ATP13A5: variants seen among roughly 807,000 people sequenced by gnomAD.
ATP13A5 encodes the protein probable cation-transporting ATPase 13A5.
ATP13A5 carries 149 observed loss-of-function variants against 150.2 expected under a neutral mutation model. The ratio of observed to expected loss-of-function variants is 0.99; its 90% confidence interval spans 0.87 to 1.14. The LOEUF is 1.14. ATP13A5 is among the 50% of genes most tolerant of loss of function. The pLI, the probability that ATP13A5 is intolerant of heterozygous loss-of-function variation, is 0.00. For missense variants in ATP13A5, 1,383 were observed against 1,449.3 expected (o/e 0.95, Z 0.74); for synonymous variants, 497 against 522.2 (o/e 0.95, Z 0.66).
chr3:193,328,402 A>C (rs1408790703), intron 12 of ATP13A5, among the ~76,000 whole-genome samples: 3 of 152,170 alleles, frequency 2.0e-5, no homozygotes, highest in Non-Finnish European at 4.4e-5. Context: ...TTTATAAAGG[A>C]CTCCACCATG....
At chr3:193,282,389 T>C (rs541038171) in intron 27 of ATP13A5, among the ~76,000 whole-genome samples, 1 of 152,268 alleles carries the variant, frequency 6.6e-6, no homozygotes, top group Admixed American at 6.5e-5. Flanking sequence ...TTCTTTTTTT[T>C]TTTGAGACGG....
intron 10 of ATP13A5, among the ~76,000 whole-genome samples, chr3:193,334,242 G>T (rs910162594): frequency 1.3e-5 from 2 of 152,166 alleles, no homozygotes; most frequent in African/African-American, 4.8e-5. Flanking sequence ...TTGCATCTGT[G>T]AATAAGTCGG....
chr3:193,356,765 C>CT (rs1351446920), intron 5 of ATP13A5, among the ~76,000 whole-genome samples: 1 of 152,180 alleles, frequency 6.6e-6, no homozygotes, highest in Non-Finnish European at 1.5e-5. Context: ...ACTTAAATGT[C>CT]TTTTCCCTCT....
At chr3:193,287,658 A>C (rs1369076941) in intron 26 of ATP13A5, among the ~76,000 whole-genome samples, 1 of 152,156 alleles carries the variant, frequency 6.6e-6, no homozygotes, top group Admixed American at 6.6e-5. Context: ...CTTCAAGAGC[A>C]CTGATGGAGA....
chr3:193,318,736 G>C (rs1314268454), intron 17 of ATP13A5, among the ~76,000 whole-genome samples: 1 of 152,152 alleles, frequency 6.6e-6, no homozygotes, highest in Non-Finnish European at 1.5e-5. Flanking sequence ...GCCAAGCAGA[G>C]ATAACACACT....
At chr3:193,375,133 T>C (rs1602189) in intron 1 of ATP13A5, among the ~76,000 whole-genome samples, 146,391 of 152,326 alleles carry the variant, frequency 0.96, 70,373 homozygotes, top group African/African-American at 0.98. Flanking sequence ...CTGTTACCTG[T>C]GTACCCGTTT....
At chr3:193,308,418 C>T (rs960620642) in intron 21 of ATP13A5, among the ~76,000 whole-genome samples, 19 of 152,038 alleles carry the variant, frequency 1.2e-4, no homozygotes, top group East Asian at 5.8e-4. Flanking sequence ...GATATTGCAC[C>T]GCTGCACTCC....
chr3:193,302,426 T>C (rs1270238471), intron 23 of ATP13A5, among the ~76,000 whole-genome samples: 3 of 150,878 alleles, frequency 2.0e-5, no homozygotes, highest in African/African-American at 7.3e-5. Flanking sequence ...GATATAAACA[T>C]TGCGATTTCA....
chr3:193,309,824 T>C (rs1373290636), intron 21 of ATP13A5, among the ~76,000 whole-genome samples: 1 of 152,134 alleles, frequency 6.6e-6, no homozygotes, highest in Non-Finnish European at 1.5e-5. Context: ...GTGAGAGATT[T>C]TTTTCCCCAC....
chr3:193,360,828 C>T (rs937447113), intron 5 of ATP13A5, among the ~76,000 whole-genome samples: 2 of 152,146 alleles, frequency 1.3e-5, no homozygotes, highest in African/African-American at 4.8e-5. Flanking sequence ...AGGTACAGGC[C>T]ACCACGCCTG....
Position 193,321,757 on chromosome 3 carries a change from T to A in ATP13A5, c.1839A>T (p.Leu613=), listed in dbSNP as rs1253099295. The change falls in exon 16 of 30, where the codon CTA becomes CTT. Residue 613 remains leucine (L), a synonymous_variant. Transcript: ENST00000342358. ...SLQRMSVIAQ[L]AGENHFHVYM... is the part of the protein sequence containing the mutation. ...AGACATGGAAATGATTCTCCCCAGCTAGCTGAGCGATCACGGACATCCTCT... is the reference window on the plus strand; with the variant it reads ...AGACATGGAAATGATTCTCCCCAGCAAGCTGAGCGATCACGGACATCCTCT... 6.2e-6 allele frequency: 10 copies of A among 1,614,214 alleles called. No individual in the cohort carries two copies. The South Asian group carries it at 1.1e-4, about 18-fold the overall frequency.
At chr3:193,295,323 T>A (rs556212474) in intron 25 of ATP13A5, among the ~76,000 whole-genome samples, 22 of 152,196 alleles carry the variant, frequency 1.4e-4, no homozygotes, top group African/African-American at 5.1e-4. Context: ...TATTTGAAAC[T>A]TATCCAACTT....
chr3:193,285,062 T>C lies in ATP13A5; in HGVS notation c.3078A>G (p.Arg1026=). Residue 1026 remains arginine, a synonymous_variant, in exon 27 of 30, where the codon AGA becomes AGG. Coordinates refer to ENST00000342358, the MANE Select transcript of ATP13A5 (RefSeq NM_198505.4). ...TCAGAGTTGCATTTCCAGTCCAGTT[T>C]CTTTCCAAACTCACATTTGTTGAAA... The part of the protein sequence containing the change: ...SNFSTNVSLE[R]NWTGNATLIP... 6.2e-7 allele frequency: 1 copy of C among 1,614,060 alleles called. No individual in the cohort carries two copies. The highest frequency in any genetic ancestry group is 8.5e-7 in the Non-Finnish European group (1 of 1,179,962).
chr3:193,377,937 G>C (rs191592583), intron 1 of ATP13A5, among the ~76,000 whole-genome samples: 3 of 152,206 alleles, frequency 2.0e-5, no homozygotes, highest in Admixed American at 6.5e-5. Flanking sequence ...TAACCTCCCT[G>C]GTCTCAGATT....
At chr3:193,354,755 C>T (rs542793430) in intron 5 of ATP13A5, among the ~76,000 whole-genome samples, 2 of 152,116 alleles carry the variant, frequency 1.3e-5, no homozygotes, top group Non-Finnish European at 2.9e-5. Context: ...TACATATGTG[C>T]ATTACAACAA....
At chr3:193,287,235 T>A (rs531254122) in intron 26 of ATP13A5, among the ~76,000 whole-genome samples, 8 of 152,192 alleles carry the variant, frequency 5.3e-5, no homozygotes, top group African/African-American at 1.9e-4. Flanking sequence ...CCAGAAGATT[T>A]AACTAAGACA....
At chr3:193,294,895 G>A (rs1036050183) in intron 25 of ATP13A5, among the ~76,000 whole-genome samples, 2 of 152,134 alleles carry the variant, frequency 1.3e-5, no homozygotes, top group Non-Finnish European at 2.9e-5. Context: ...ACAGTACAAT[G>A]TAAAGTGTCT....
chr3:193,360,968 C>A (rs147529205), intron 5 of ATP13A5, among the ~76,000 whole-genome samples: 1 of 152,158 alleles, frequency 6.6e-6, no homozygotes, highest in African/African-American at 2.4e-5. Context: ...TGAGCCACTG[C>A]GCCCAGTCAT....
chr3:193,335,187 C>T, intron 9 of ATP13A5, 88 bp from the exon 10 acceptor site: 4 of 1,255,624 alleles, frequency 3.2e-6, no homozygotes, highest in Non-Finnish European at 4.6e-6. Flanking sequence ...ATTATACAAA[C>T]CACAACTAAT....
Sources: gnomAD v4.1 joint callset for allele counts (sites outside exome capture counted in the v4.1 genomes callset) on GRCh38, gnomAD v4.1.1 for gene constraint, MANE v1.5 for transcripts, NCBI Gene and HGNC (gene_info 2026-07-23, HGNC 2026-07-21) for gene names.